The following COL25A1 variants were observed in gnomAD, a reference collection of about 807,000 sequenced individuals.
COL25A1 encodes the protein collagen type XXV alpha 1 chain, also known as collagen alpha-1(XXV) chain.
Under a neutral mutation model 128.4 loss-of-function variants are expected in COL25A1, and 103 were observed. That is an observed-to-expected ratio of 0.80 (90% CI 0.68 to 0.94). COL25A1 has a LOEUF of 0.94. Among genes scored for constraint, COL25A1 ranks in the 40% least tolerant of loss-of-function variants. COL25A1 has a pLI of 0.00. For synonymous variants in COL25A1, 279 were observed against 277.2 expected (o/e 1.01, Z -0.06); for missense variants, 745 against 840.0 (o/e 0.89, Z 1.40).
chr4:109,198,017 C>G (rs765125115), intron 3 of COL25A1, among the ~76,000 whole-genome samples: 1 of 151,628 alleles, frequency 6.6e-6, no homozygotes, highest in Non-Finnish European at 1.5e-5. Flanking sequence ...TTCTTTGTAA[C>G]AGCAAGATTT....
chr4:108,899,052 C>T, intron 15 of COL25A1, 102 bp downstream of exon 15: 4 of 1,080,248 alleles, frequency 3.7e-6, no homozygotes, highest in Non-Finnish European at 5.5e-6. Flanking sequence ...CCCACCCATC[C>T]ATCCACCCAT....
At chr4:109,235,842 G>A (rs1779440749) in intron 3 of COL25A1, among the ~76,000 whole-genome samples, 1 of 151,996 alleles carries the variant, frequency 6.6e-6, no homozygotes, top group Non-Finnish European at 1.5e-5. Context: ...CATCTATGGT[G>A]AAGGTATTCA....
intron 31 of COL25A1, chr4:108,834,441 G>T: frequency 6.7e-7 from 1 of 1,491,304 alleles, no homozygotes; most frequent in Non-Finnish European, 9.1e-7. Flanking sequence ...CGAATGACAA[G>T]AACAGAGATT....
rs1245557468 is a variant in COL25A1, at chr4:108,812,476, T to C, written c.*1451A>G. 6.6e-6 allele frequency: 1 copy of C among 152,182 alleles called. No individual in the cohort carries two copies. The highest frequency in any genetic ancestry group is 1.5e-5 in the Non-Finnish European group (1 of 68,028). The allele number at this position is 152,182 out of a possible 1,614,324, so 9.4% of individuals were successfully genotyped here. On this transcript the variant is annotated 3_prime_UTR_variant, in exon 38 of 38. Transcript: ENST00000399132. Reference sequence around the variant, plus strand: ...AATGCATAACTTTCATGCTTTACAATGATTAGACTGAAAGTGGAGCTTCTT... The same window carrying C: ...AATGCATAACTTTCATGCTTTACAACGATTAGACTGAAAGTGGAGCTTCTT...
At chr4:109,121,993 T>C (rs1276001348) in intron 3 of COL25A1, among the ~76,000 whole-genome samples, 2 of 152,062 alleles carry the variant, frequency 1.3e-5, no homozygotes, top group African/African-American at 4.8e-5. Flanking sequence ...GAAACTTAGA[T>C]GCATACTAAT....
intron 31 of COL25A1, among the ~76,000 whole-genome samples, chr4:108,836,729 C>T (rs1473870615): frequency 6.6e-6 from 1 of 152,040 alleles, no homozygotes; most frequent in Non-Finnish European, 1.5e-5. Flanking sequence ...AATAATGACT[C>T]ACATATATTA....
intron 5 of COL25A1, among the ~76,000 whole-genome samples, chr4:109,026,326 T>C (rs747027514): frequency 1.2e-4 from 18 of 151,918 alleles, no homozygotes; most frequent in Non-Finnish European, 1.9e-4. Context: ...GAAATCAAGA[T>C]TGGAGAGAAT....
intron 11 of COL25A1, among the ~76,000 whole-genome samples, chr4:108,934,198 G>C (rs922501864): frequency 6.6e-6 from 1 of 152,038 alleles, no homozygotes; most frequent in Non-Finnish European, 1.5e-5. Flanking sequence ...CATGGATGAA[G>C]CTGGAAACCA....
intron 19 of COL25A1, among the ~76,000 whole-genome samples, chr4:108,869,738 A>T (rs1738468687): frequency 6.6e-6 from 1 of 152,192 alleles, no homozygotes; most frequent in Non-Finnish European, 1.5e-5. Flanking sequence ...TTTGAGGTCA[A>T]ATATAAGAGT....
At chr4:108,852,791 T>C (rs1578546318) in intron 25 of COL25A1, 111 bp downstream of exon 25, 1 of 800,858 alleles carries the variant, frequency 1.2e-6, no homozygotes, top group East Asian at 2.6e-5. Flanking sequence ...CAAGAAAACA[T>C]AAAATTAAGT....
intron 30 of COL25A1, among the ~76,000 whole-genome samples, chr4:108,842,160 A>C: frequency 6.6e-6 from 1 of 152,174 alleles, no homozygotes; most frequent in Admixed American, 6.5e-5. Context: ...TTTTCCATTA[A>C]CTCCTCCAGA....
At chr4:109,246,851 TTC>T (rs1376378446) in intron 3 of COL25A1, among the ~76,000 whole-genome samples, 2 of 152,200 alleles carry the variant, frequency 1.3e-5, no homozygotes, top group Non-Finnish European at 2.9e-5. Flanking sequence ...GAGTCCTATC[TTC>T]AAGCTTACGT....
At chr4:108,850,051 C>G (rs550829482) in intron 26 of COL25A1, among the ~76,000 whole-genome samples, 13 of 152,240 alleles carry the variant, frequency 8.5e-5, no homozygotes, top group African/African-American at 2.9e-4. Flanking sequence ...CCTGGCTAAG[C>G]CCTAGTTTCA....
intron 3 of COL25A1, among the ~76,000 whole-genome samples, chr4:109,264,777 T>C (rs1417900882): frequency 2.0e-5 from 3 of 152,208 alleles, no homozygotes; most frequent in African/African-American, 4.8e-5. Flanking sequence ...TGTGATATCA[T>C]TGGCACTCCC....
At chr4:109,063,034 G>T (rs903563649) in intron 3 of COL25A1, among the ~76,000 whole-genome samples, 1 of 152,104 alleles carries the variant, frequency 6.6e-6, no homozygotes, top group Non-Finnish European at 1.5e-5. Flanking sequence ...TTCTGAAAAG[G>T]CCTCATGAAT....
At chr4:109,033,778 T>C (rs555573079) in intron 5 of COL25A1, among the ~76,000 whole-genome samples, 7 of 152,330 alleles carry the variant, frequency 4.6e-5, no homozygotes, top group Admixed American at 2.6e-4. Flanking sequence ...TAATATCTTT[T>C]ACACCAAACA....
chr4:109,231,133 T>C (rs1779140287), intron 3 of COL25A1, among the ~76,000 whole-genome samples: 1 of 151,914 alleles, frequency 6.6e-6, no homozygotes, highest in Admixed American at 6.6e-5. Context: ...GAAGCGAGAC[T>C]CCATCTCAAA....
chr4:109,179,257 C>T (rs1774402992), intron 3 of COL25A1, among the ~76,000 whole-genome samples: 1 of 152,092 alleles, frequency 6.6e-6, no homozygotes, highest in Non-Finnish European at 1.5e-5. Flanking sequence ...CTATTGAGTC[C>T]CAGCCTTCCT....
At chr4:108,835,454 T>C (rs1223945253) in intron 31 of COL25A1, among the ~76,000 whole-genome samples, 2 of 152,236 alleles carry the variant, frequency 1.3e-5, no homozygotes, top group African/African-American at 4.8e-5. Flanking sequence ...ATGAAAACTC[T>C]ACCAATGATG....
Sources: allele counts gnomAD v4.1 joint callset (sites outside exome capture counted in the v4.1 genomes callset), GRCh38; gene constraint gnomAD v4.1.1; transcripts MANE v1.5; gene names NCBI Gene and HGNC (gene_info 2026-07-23, HGNC 2026-07-21).